Variants in REL observed in about 807,000 individuals in gnomAD.
REL encodes the protein proto-oncogene c-Rel.
REL carries 15 observed loss-of-function variants against 45.9 expected under a neutral mutation model. That is an observed-to-expected ratio of 0.33 (90% CI 0.22 to 0.50). REL has a LOEUF of 0.50. Ranked by LOEUF, REL falls within the 20% of genes least tolerant of loss-of-function variation. REL has a pLI of 0.98. For synonymous variants in REL, 239 were observed against 242.1 expected (o/e 0.99, Z 0.12); for missense variants, 601 against 715.2 (o/e 0.84, Z 1.82).
chr2:60,916,891 C>G lies in REL; in HGVS notation c.409C>G (p.Leu137Val), dbSNP rs1366273677. Residue 137 changes from leucine (L) to valine (V), a missense_variant, in exon 5 of 10, where the codon CTG (leucine) becomes GTG (valine). By Grantham distance (32) the Leu-to-Val change is conservative. Around this residue, in one of 4 missense-constraint regions of REL, gnomAD observed 241 missense variants for 347.0 expected, o/e 0.69. Coordinates refer to ENST00000394479, the MANE Select transcript of REL (RefSeq NM_001291746.2). ...INPFNVPEKQ[L>V]NDIEDCDLNV... ...TTTCTATTCAGTCCCTGAAAAACAG[C>G]TGAATGATATTGAAGATTGTGACCT... The G allele has an allele frequency of 1.2e-6, 2 of 1,611,838 alleles. No individual in the cohort carries two copies. Among genetic ancestry groups the G allele is most frequent in the Non-Finnish European group, 1.7e-6 (2 of 1,179,012 alleles).
In REL at chr2:60,930,111, A is replaced by G. The variant is rs1303643489; in HGVS notation, c.*7576A>G. ...CTTTTAAATAGCATGGAGAAATGGAAAGAATAGGGACTTTTTACTCAGGTA... is the reference window on the plus strand; with the variant it reads ...CTTTTAAATAGCATGGAGAAATGGAGAGAATAGGGACTTTTTACTCAGGTA... On this transcript the variant is annotated 3_prime_UTR_variant, in exon 10 of 10. Coordinates refer to ENST00000394479, the MANE Select transcript of REL (RefSeq NM_001291746.2). The G allele has an allele frequency of 6.6e-6, 1 of 152,274 alleles. No homozygotes were observed. The highest frequency in any genetic ancestry group is 2.4e-5 in the African/African-American group (1 of 41,440). The allele number at this position is 152,274 out of a possible 1,614,324, so 9.4% of individuals were successfully genotyped here. A position where few individuals can be genotyped will look rare whatever the true frequency, so the allele number is the denominator to read the frequency against.
intron 1 of REL, among the ~76,000 whole-genome samples, chr2:60,882,835 A>G (rs959303017): frequency 6.6e-6 from 1 of 152,218 alleles, no homozygotes; most frequent in African/African-American, 2.4e-5. Flanking sequence ...AGGAATGAAT[A>G]CAACTTTATC....
At chr2:60,898,520 G>GTA (rs560623429) in intron 3 of REL, among the ~76,000 whole-genome samples, 187 of 152,274 alleles carry the variant, frequency 1.2e-3, no homozygotes, top group Middle Eastern at 3.4e-3. Context: ...ATAACATCAT[G>GTA]TATACCTCCT....
intron 8 of REL, chr2:60,920,339 T>G (rs1317534198): frequency 4.9e-6 from 3 of 617,632 alleles, no homozygotes; most frequent in Admixed American, 6.0e-5. Context: ...TAGCTGAGAT[T>G]ACAGGCATGT....
At position 60,906,843 on chromosome 2, in the gene REL, A is replaced by G. The variant is rs549981144; in HGVS notation, c.394+5760A>G. On this transcript the variant is annotated intron_variant, in intron 4 of 9. Coordinates refer to ENST00000394479, the MANE Select transcript of REL (RefSeq NM_001291746.2). ...TACCTGTGTGTGTGTGTATATATAT[A>G]TGTGTGTGTATGTATGTGTGTGTGT... Among the ~76,000 whole-genome samples, 48 of 133,716 alleles carry G rather than the reference A, an allele frequency of 3.6e-4. No homozygotes were observed. In the Middle Eastern group the frequency reaches 0.012, roughly 32 times the overall value. The allele number at this position is 133,716 out of a possible 152,430, so 87.7% of individuals were successfully genotyped here.
Position 60,912,431 on chromosome 2 carries a change from A to G in REL, c.395-4446A>G, listed in dbSNP as rs374873436. Among the ~76,000 whole-genome samples, 34 of 152,304 alleles carry G rather than the reference A, an allele frequency of 2.2e-4. 1 individual carries two copies. In the East Asian group the frequency reaches 3.9e-3, roughly 17 times the overall value. On this transcript the variant is annotated intron_variant, in intron 4 of 9. Transcript: ENST00000394479. ...AACTCTTATTAATATTGATTAGCCT[A>G]TGGTAAAATTGGTTTTATTATGGTG...
rs1673951099 is a variant in REL at position 60,915,964 on chromosome 2, G to A, written c.395-913G>A. ...TCCTTAAAATGTTGATCCACATTTA[G>A]TAGATACTCTTGTGTATGTCATTTT... is the stretch of plus-strand genomic sequence containing the variant. On this transcript the variant is annotated intron_variant, in intron 4 of 9. Coordinates refer to ENST00000394479, the MANE Select transcript of REL (RefSeq NM_001291746.2). Among the ~76,000 whole-genome samples, 5 of 152,122 alleles carry A rather than the reference G, an allele frequency of 3.3e-5. No homozygotes were observed. The South Asian group carries it at 1.0e-3, about 31-fold the overall frequency.
intron 9 of REL, 28 bp from the exon 10 acceptor site, chr2:60,921,733 ATT>A: frequency 6.4e-7 from 1 of 1,555,538 alleles, no homozygotes; most frequent in Non-Finnish European, 8.7e-7. Context: ...GTTCATTTTA[ATT>A]TCGTAAAATA....
intron 4 of REL, among the ~76,000 whole-genome samples, chr2:60,907,000 A>C (rs1303573598): frequency 6.9e-6 from 1 of 144,274 alleles, no homozygotes; most frequent in Non-Finnish European, 1.5e-5. Flanking sequence ...GCTTACCGCA[A>C]CCTCCACCTC....
intron 4 of REL, 67 bp downstream of exon 4, chr2:60,901,150 CTTTTTTTTT>C (rs10565258): frequency 1.6e-5 from 15 of 915,950 alleles, no homozygotes; most frequent in Admixed American, 1.0e-4. Context: ...TTTTCTTTCT[CTTTTTTTTT>C]TTTTTTTTTT....
chr2:60,917,709 TGTGTGTAC>T (rs1199941062), intron 5 of REL, among the ~76,000 whole-genome samples: 50 of 150,320 alleles, frequency 3.3e-4, no homozygotes, highest in African/African-American at 1.2e-3. Flanking sequence ...TGTGTGTGTG[TGTGTGTAC>T]GTGTGTGTGT....
rs1176915174 is a variant in REL at position 60,930,697 on chromosome 2, A to G, written c.*8162A>G. 6.6e-6 allele frequency: 1 copy of G among 152,346 alleles called. No homozygotes were observed. The highest frequency in any genetic ancestry group is 2.4e-5 in the African/African-American group (1 of 41,468). 9.4% of individuals were successfully genotyped at this position (152,346 alleles called of 1,614,324 possible). A position where few individuals can be genotyped will look rare whatever the true frequency, so the allele number is the denominator to read the frequency against. ...CAAAATACAGATCAAAGTTTTCAAAAGTAATCACTCTATTTATTCTAAATG... is the reference window on the plus strand; with the variant it reads ...CAAAATACAGATCAAAGTTTTCAAAGGTAATCACTCTATTTATTCTAAATG... On this transcript the variant is annotated 3_prime_UTR_variant, in exon 10 of 10. Transcript: ENST00000394479.
chr2:60,904,573 A>G (rs1448164341), intron 4 of REL, among the ~76,000 whole-genome samples: 1 of 150,276 alleles, frequency 6.7e-6, no homozygotes, highest in Non-Finnish European at 1.5e-5. Flanking sequence ...CTCCATCTCA[A>G]AAAAAATAAT....
At chr2:60,900,902 CATG>C in intron 3 of REL, 87 bp from the exon 4 acceptor site, 1 of 1,058,390 alleles carries the variant, frequency 9.4e-7, no homozygotes, top group Non-Finnish European at 1.4e-6. Flanking sequence ...CAACTGACAG[CATG>C]ATAACTTCAG....
At chr2:60,883,792 A>G (rs1673005116) in intron 1 of REL, among the ~76,000 whole-genome samples, 1 of 151,530 alleles carries the variant, frequency 6.6e-6, no homozygotes, top group Non-Finnish European at 1.5e-5. Flanking sequence ...TAAGGAGGAA[A>G]TGTTTAAAGA....
chr2:60,920,202 G>A (rs150314739), intron 8 of REL, 93 bp downstream of exon 8: 7 of 1,091,282 alleles, frequency 6.4e-6, no homozygotes, highest in Non-Finnish European at 6.7e-6. Context: ...GTTTTGTTTT[G>A]TTGTTTGTTT....
intron 8 of REL, 181 bp downstream of exon 8, chr2:60,920,290 C>T: frequency 1.6e-6 from 1 of 621,802 alleles, no homozygotes; most frequent in Non-Finnish European, 2.9e-6. Context: ...CAACCTCTGC[C>T]CCCCAGGTTC....
chr2:60,898,647 T>C (rs1173950753), intron 3 of REL, among the ~76,000 whole-genome samples: 1 of 152,244 alleles, frequency 6.6e-6, no homozygotes, highest in Admixed American at 6.5e-5. Context: ...AGTAAATGTT[T>C]GGGGTTTTGC....
Position 60,920,655 on chromosome 2 carries a change from C to T in REL, c.991+13C>T. The stretch of plus-strand genomic sequence containing the variant: ...TACTTCAAAAAAGGTATTTTATTTC[C>T]TATAGCATATTTCTTGTGATCAGAA... On this transcript the variant is annotated intron_variant, in intron 9 of 9. Coordinates refer to ENST00000394479, the MANE Select transcript of REL (RefSeq NM_001291746.2). The T allele has an allele frequency of 6.6e-6, 10 of 1,512,518 alleles. No homozygotes were observed. Among genetic ancestry groups the T allele is most frequent in the Non-Finnish European group, 9.2e-6 (10 of 1,090,602 alleles). The allele number at this position is 1,512,518 out of a possible 1,614,324, so 93.7% of individuals were successfully genotyped here.
Sources: gnomAD v4.1 joint callset for allele counts (sites outside exome capture counted in the v4.1 genomes callset) on GRCh38, gnomAD v4.1.1 for gene constraint, gnomAD v4.1.1 regional missense constraint, MANE v1.5 for transcripts, NCBI Gene and HGNC (gene_info 2026-07-23, HGNC 2026-07-21) for gene names.